The following HAP1 variants were observed in gnomAD, a reference collection of about 807,000 sequenced individuals.
HAP1 encodes the protein huntingtin-associated protein 1.
Under a neutral mutation model 60.3 loss-of-function variants are expected in HAP1, and 59 were observed. The observed-to-expected ratio is 0.98, with a 90% CI of 0.79 to 1.22. The LOEUF (loss-of-function observed/expected upper bound fraction) is 1.22, where lower values mean the gene tolerates loss of function less well. Ranked by LOEUF, HAP1 falls within the 50% of genes most tolerant of loss-of-function variation. The probability of loss-of-function intolerance (pLI) is 0.00; values close to 1 mark genes in which losing one functional copy is unlikely to be tolerated. For synonymous variants in HAP1, 346 were observed against 330.6 expected (o/e 1.05, Z -0.50); for missense variants, 825 against 785.3 (o/e 1.05, Z -0.60).
At chr17:41,734,072 A>T in intron 1 of HAP1, 94 bp downstream of exon 1, 1 of 980,520 alleles carries the variant, frequency 1.0e-6, no homozygotes, top group Non-Finnish European at 1.5e-6. Flanking sequence ...ACTGAGTGCT[A>T]GAGGGGGCGG....
intron 10 of HAP1, 36 bp downstream of exon 10, chr17:41,725,823 G>C (rs782164422): frequency 1.3e-6 from 2 of 1,570,962 alleles, no homozygotes; most frequent in African/African-American, 2.7e-5. Flanking sequence ...GCTGAAAGCT[G>C]AGGGCAGGTT....
downstream of HAP1, chr17:41,717,935 G>T (rs183182118): frequency 1.9e-5 from 9 of 461,592 alleles, no homozygotes; most frequent in Admixed American, 1.9e-4. Flanking sequence ...TCTTGTGCCT[G>T]TTGACACCAT....
chr17:41,734,539 A>G lies in HAP1; in HGVS notation c.96T>C (p.Ser32=), dbSNP rs1555592240. The G allele has an allele frequency of 6.2e-7, 1 of 1,610,840 alleles. No homozygotes were observed. Among genetic ancestry groups the G allele is most frequent in the Non-Finnish European group, 8.5e-7 (1 of 1,179,500 alleles). ...GCTGCGCAGAGGGCTCCGGAGCGGGACTGGCTGAGGGCGAAGGTGCACAGG... is the reference window on the plus strand; with the variant it reads ...GCTGCGCAGAGGGCTCCGGAGCGGGGCTGGCTGAGGGCGAAGGTGCACAGG... ...ALTCAPSPSA[S]PAPEPSAQPQ... The change falls in exon 1 of 11, where the codon AGT becomes AGC. Residue 32 remains serine, a synonymous_variant. Coordinates refer to ENST00000347901, the MANE Select transcript of HAP1 (RefSeq NM_177977.3).
At position 41,728,247 on chromosome 17, in the gene HAP1, GC is replaced by G; in HGVS notation, c.1153del (p.Ala385LeufsTer8). The stretch of plus-strand genomic sequence containing the variant: ...CTTCAGCACCTGGGCCTGCAGCCGA[GC>G]GACCTCCTGCTGCTGCCGTTCATAG... ...ENYERQQQEVARLQAQVLKLQ... is the reference protein window; with the variant it reads ...ENYERQQQEVXRLQAQVLKLQ... On this transcript the variant is annotated frameshift_variant, in exon 7 of 11. Transcript: ENST00000347901. LOFTEE classifies it high-confidence loss of function. The G allele has an allele frequency of 1.2e-6, 2 of 1,613,370 alleles. No homozygotes were observed. The highest frequency in any genetic ancestry group is 3.3e-4 in the Middle Eastern group (2 of 6,058).
At chr17:41,728,449 C>A in intron 6 of HAP1, 118 bp from the exon 7 acceptor site, 1 of 845,550 alleles carries the variant, frequency 1.2e-6, no homozygotes, top group Non-Finnish European at 1.8e-6. Flanking sequence ...CCAGTGGGTC[C>A]TGCAGGGCTT....
Position 41,728,256 on chromosome 17 carries a change from T to C in HAP1, c.1145A>G (p.Gln382Arg). 1 of 1,613,550 alleles carries C rather than the reference T, an allele frequency of 6.2e-7. No individual in the cohort carries two copies. Among genetic ancestry groups the C allele is most frequent in the Non-Finnish European group, 8.5e-7 (1 of 1,179,978 alleles). ...CTGGGCCTGCAGCCGAGCGACCTCC[T>C]GCTGCTGCCGTTCATAGTTTTCCAG... ...LRLENYERQQ[Q>R]EVARLQAQVL... The change falls in exon 7 of 11, where the codon CAG becomes CGG. Residue 382 changes from glutamine (Q) to arginine (R), a missense_variant. By Grantham distance (43) the Gln-to-Arg change is conservative. Coordinates refer to ENST00000347901, the MANE Select transcript of HAP1 (RefSeq NM_177977.3).
chr17:41,725,732 C>T (rs1012801420), intron 10 of HAP1, 127 bp downstream of exon 10: 1 of 772,056 alleles, frequency 1.3e-6, no homozygotes, highest in South Asian at 1.5e-5. Context: ...CAGAACAGTT[C>T]TCAGTTCAGC....
chr17:41,731,845 C>T (rs1912227855), intron 4 of HAP1, 92 bp downstream of exon 4: 1 of 924,544 alleles, frequency 1.1e-6, no homozygotes, highest in Admixed American at 2.0e-5. Context: ...TCCAGCAACC[C>T]TGCCAGCAAG....
Position 41,727,095 on chromosome 17 carries a change from G to T in HAP1, c.1325C>A (p.Ser442Tyr). The change falls in exon 9 of 11, where the codon TCT (serine) becomes TAT (tyrosine). Residue 442 changes from serine to tyrosine, a missense_variant. Ser to Tyr is a moderately radical substitution (Grantham distance 144, BLOSUM62 -2). Transcript: ENST00000347901. ...QETLAEELRTSLRRMISDPVY... is the reference protein window; with the variant it reads ...QETLAEELRTYLRRMISDPVY... ...AGGGTCTGAGATCATCCTCCTTAGAGACGTTCTGAGCTCCTCAGCCAGCGT... is the reference window on the plus strand; with the variant it reads ...AGGGTCTGAGATCATCCTCCTTAGATACGTTCTGAGCTCCTCAGCCAGCGT... The T allele has an allele frequency of 6.3e-7, 1 of 1,592,590 alleles. No homozygotes were observed. The highest frequency in any genetic ancestry group is 8.6e-7 in the Non-Finnish European group (1 of 1,165,784).
intron 6 of HAP1, among the ~76,000 whole-genome samples, 166 bp downstream of exon 6, chr17:41,731,327 C>T (rs374356434): frequency 4.8e-4 from 73 of 152,242 alleles, no homozygotes; most frequent in South Asian, 1.0e-3. Context: ...AAAATTAATC[C>T]CCATTCTAAA....
chr17:41,727,268 G>A (rs41312300), intron 8 of HAP1, 124 bp from the exon 9 acceptor site: 13,844 of 785,178 alleles, frequency 0.018, 202 homozygotes, highest in Non-Finnish European at 0.021. Context: ...ACAGACGTAG[G>A]AAAGTGGGCA....
chr17:41,731,818 C>A, intron 4 of HAP1, 75 bp from the exon 5 acceptor site: 2 of 1,105,986 alleles, frequency 1.8e-6, no homozygotes, highest in Non-Finnish European at 2.7e-6. Context: ...GGGCTAAGGG[C>A]AGTGTTCTCA....
Position 41,732,341 on chromosome 17 carries a change from C to T in HAP1, c.603G>A (p.Glu201=), listed in dbSNP as rs782253545. The T allele has an allele frequency of 2.5e-6, 4 of 1,614,100 alleles. No homozygotes were observed. Among genetic ancestry groups the T allele is most frequent in the Admixed American group, 3.3e-5 (2 of 60,026 alleles). The part of the protein sequence containing the change: ...SVTYGMVLQR[E]RDLNTAARIG... The stretch of plus-strand genomic sequence containing the variant: ...TGCGAGCTGCAGTGTTCAGGTCCCT[C>T]TCTCTCTGCAGGACCATCCCATAGG... The change falls in exon 3 of 11, where the codon GAG becomes GAA. Residue 201 remains glutamate (E), a synonymous_variant. Transcript: ENST00000347901.
At chr17:41,730,046 AG>A (rs1555590238) in intron 6 of HAP1, 2 of 40,420 alleles carry the variant, frequency 4.9e-5, no homozygotes, top group African/African-American at 1.8e-4. Flanking sequence ...AGAGAGAGAG[AG>A]AGAGAGAAGG....
In HAP1 at chr17:41,724,962, C is replaced by T; in HGVS notation, c.1599G>A (p.Val533=). 3 of 1,612,778 alleles carry T rather than the reference C, an allele frequency of 1.9e-6. No individual in the cohort carries two copies. The highest frequency in any genetic ancestry group is 2.5e-6 in the Non-Finnish European group (3 of 1,179,998). The change falls in exon 11 of 11, where the codon GTG becomes GTA. Residue 533 remains valine, a synonymous_variant. Transcript: ENST00000347901. ...EEGVMEEAEL[V]SEETEGWEEV... Reference sequence around the variant, plus strand: ...CCTCCCAGCCCTCGGTCTCCTCTGACACCAGCTCTGCCTCTTCCATCACCC... The same window carrying T: ...CCTCCCAGCCCTCGGTCTCCTCTGATACCAGCTCTGCCTCTTCCATCACCC...
At chr17:41,729,089 C>T (rs911858226) in intron 6 of HAP1, among the ~76,000 whole-genome samples, 3 of 151,554 alleles carry the variant, frequency 2.0e-5, no homozygotes, top group African/African-American at 7.3e-5. Context: ...TACAGGCATG[C>T]GCCACCACGC....
In HAP1 at chr17:41,723,583, A is replaced by AGGCCT. The variant is rs1911363109; in HGVS notation, c.*1113_*1117dup. 6.5e-6 allele frequency: 1 copy of AGGCCT among 152,738 alleles called. No individual in the cohort carries two copies. Among genetic ancestry groups the AGGCCT allele is most frequent in the East Asian group, 1.9e-4 (1 of 5,198 alleles). The allele number at this position is 152,738 out of a possible 1,614,324, so 9.5% of individuals were successfully genotyped here. A position where few individuals can be genotyped will look rare whatever the true frequency, so the allele number is the denominator to read the frequency against. ...TGTGAACTGGGGCATTGATGACCAC[A>AGGCCT]GGCCTGGCCTGGGCGGTGGGCAGGG... On this transcript the variant is annotated 3_prime_UTR_variant, in exon 11 of 11. Transcript: ENST00000347901.
chr17:41,719,082 G>A (rs782227675), downstream of HAP1, among the ~76,000 whole-genome samples: 69 of 152,200 alleles, frequency 4.5e-4, no homozygotes, highest in Non-Finnish European at 2.2e-4. Context: ...AGGTTCAAGC[G>A]ATTCTCCTGC....
chr17:41,717,741 G>C (rs1555586217), downstream of HAP1: 1 of 277,484 alleles, frequency 3.6e-6, no homozygotes, highest in Non-Finnish European at 7.7e-6. Flanking sequence ...ATCTGTAGTT[G>C]TTTTGTTTGC....
Sources: gnomAD v4.1 joint callset for allele counts (sites outside exome capture counted in the v4.1 genomes callset) on GRCh38, gnomAD v4.1.1 for gene constraint, MANE v1.5 for transcripts, NCBI Gene and HGNC (gene_info 2026-07-23, HGNC 2026-07-21) for gene names.